The following MROH9 variants were observed in gnomAD, a reference collection of about 807,000 sequenced individuals.
MROH9 encodes the protein maestro heat-like repeat-containing protein family member 9.
In MROH9, 92 loss-of-function variants were observed where a neutral mutation model predicts 98.2. The observed-to-expected ratio is 0.94, with a 90% CI of 0.79 to 1.11. The LOEUF (loss-of-function observed/expected upper bound fraction) is 1.11. Ranked by LOEUF, MROH9 falls within the 50% of genes most tolerant of loss-of-function variation. The pLI is 0.00. For missense variants in MROH9, 1,057 were observed against 1,014.8 expected (o/e 1.04, Z -0.57); for synonymous variants, 397 against 368.9 (o/e 1.08, Z -0.87).
chr1:170,951,226 G>C (rs892234582), intron 3 of MROH9, among the ~76,000 whole-genome samples: 2 of 152,080 alleles, frequency 1.3e-5, no homozygotes, highest in Admixed American at 6.6e-5. Flanking sequence ...AATTTAGAAA[G>C]TGCAAAGAGT....
At chr1:170,949,337 TA>T (rs1242180807) in intron 3 of MROH9, among the ~76,000 whole-genome samples, 1 of 152,012 alleles carries the variant, frequency 6.6e-6, no homozygotes, top group Non-Finnish European at 1.5e-5. Flanking sequence ...AGCATCCATC[TA>T]AGACAAAAGG....
chr1:171,020,840 A>C (rs1231433988), intron 17 of MROH9, among the ~76,000 whole-genome samples: 2 of 152,086 alleles, frequency 1.3e-5, no homozygotes, highest in Non-Finnish European at 2.9e-5. Flanking sequence ...GTTTGTGGAC[A>C]TGATTCTATA....
chr1:170,960,561 G>A (rs955035079), intron 5 of MROH9, among the ~76,000 whole-genome samples: 5 of 151,936 alleles, frequency 3.3e-5, no homozygotes, highest in African/African-American at 9.7e-5. Context: ...CCTACATAGT[G>A]TGTGGAACAA....
At chr1:170,949,132 T>C (rs1307263862) in intron 3 of MROH9, among the ~76,000 whole-genome samples, 1 of 152,040 alleles carries the variant, frequency 6.6e-6, no homozygotes, top group African/African-American at 2.4e-5. Flanking sequence ...TTGGCCTTTA[T>C]TTCCCCATGT....
At chr1:170,949,857 A>G (rs931846100) in intron 3 of MROH9, among the ~76,000 whole-genome samples, 1 of 151,968 alleles carries the variant, frequency 6.6e-6, no homozygotes, top group Admixed American at 6.6e-5. Context: ...GCCACCTACA[A>G]CCCCAGAGAT....
intron 15 of MROH9, among the ~76,000 whole-genome samples, chr1:171,009,966 T>C (rs1030108730): frequency 2.0e-5 from 3 of 152,222 alleles, no homozygotes; most frequent in African/African-American, 4.8e-5. Flanking sequence ...TTAATTATTA[T>C]ACTTTAAGCT....
rs78385402 is a variant in MROH9, at chr1:170,941,711, G to T, written c.-37-3809G>T. Among the ~76,000 whole-genome samples, 1,256 of 152,260 alleles carry T rather than the reference G, an allele frequency of 8.2e-3. 19 individuals are homozygous for T. Among genetic ancestry groups the T allele is most frequent in the African/African-American group, 0.029 (1,185 of 41,554 alleles). On this transcript the variant is annotated intron_variant, in intron 1 of 21. Coordinates refer to ENST00000367759, the MANE Select transcript of MROH9 (RefSeq NM_001163629.2). Reference sequence around the variant, plus strand: ...AGTGGCTGCAGTTTCCACCATAGTAGGGTCTGATTTACAGAAAAGAGCAAG... The same window carrying T: ...AGTGGCTGCAGTTTCCACCATAGTATGGTCTGATTTACAGAAAAGAGCAAG...
chr1:171,011,326 C>T (rs1269689754), intron 15 of MROH9, among the ~76,000 whole-genome samples: 1 of 152,162 alleles, frequency 6.6e-6, no homozygotes, highest in African/African-American at 2.4e-5. Flanking sequence ...CACCAAATTA[C>T]CACCCTACAG....
intron 8 of MROH9, among the ~76,000 whole-genome samples, chr1:170,978,435 G>A (rs556282745): frequency 6.6e-6 from 1 of 152,310 alleles, no homozygotes; most frequent in Non-Finnish European, 1.5e-5. Flanking sequence ...AGCCATGGTT[G>A]TGGGTGACCA....
intron 3 of MROH9, among the ~76,000 whole-genome samples, chr1:170,956,709 T>A (rs561479227): frequency 6.7e-6 from 1 of 149,194 alleles, no homozygotes; most frequent in South Asian, 2.1e-4. Flanking sequence ...TAATCTTGTA[T>A]CTGGAAACTT....
chr1:171,029,464 T>C (rs968759861), intron 20 of MROH9, among the ~76,000 whole-genome samples: 2 of 152,182 alleles, frequency 1.3e-5, no homozygotes, highest in African/African-American at 4.8e-5. Context: ...TGCCTCAGCC[T>C]CCTAAAGTGC....
At position 170,971,873 on chromosome 1, in the gene MROH9, G is replaced by T; in HGVS notation, c.606G>T (p.Arg202=). 2 of 1,613,868 alleles carry T rather than the reference G, an allele frequency of 1.2e-6. No homozygotes were observed. The highest frequency in any genetic ancestry group is 2.2e-5 in the South Asian group (2 of 91,060). Residue 202 remains arginine (R), a synonymous_variant, in exon 8 of 22, where the codon CGG becomes CGT. Transcript: ENST00000367759. ...LGMCHLLYIA[R]CQNDIGTNKP... ...TGTGTCACCTCCTCTACATTGCACGGTGTCAGAACGGTAAGAACAGTTCAC... is the reference window on the plus strand; with the variant it reads ...TGTGTCACCTCCTCTACATTGCACGTTGTCAGAACGGTAAGAACAGTTCAC...
chr1:171,008,896 C>T (rs945902126), intron 15 of MROH9, among the ~76,000 whole-genome samples: 1 of 152,024 alleles, frequency 6.6e-6, no homozygotes. Context: ...GAGAAAAAGA[C>T]ATGTATTATG....
At chr1:171,051,961 T>C (rs902272771) in intron 20 of MROH9, among the ~76,000 whole-genome samples, 11 of 152,162 alleles carry the variant, frequency 7.2e-5, no homozygotes, top group East Asian at 1.9e-4. Context: ...TTGGAGCAAT[T>C]TTAATAGAAT....
At chr1:170,994,033 CATGAAG>C (rs1168799089) in intron 12 of MROH9, among the ~76,000 whole-genome samples, 1 of 152,122 alleles carries the variant, frequency 6.6e-6, no homozygotes, top group Non-Finnish European at 1.5e-5. Flanking sequence ...AATTTGTCTC[CATGAAG>C]ATGCATTGTC....
chr1:170,959,022 ATATT>A (rs1250136335), intron 4 of MROH9, among the ~76,000 whole-genome samples: 8 of 152,298 alleles, frequency 5.3e-5, no homozygotes, highest in Admixed American at 5.2e-4. Flanking sequence ...TTTTAAGAGA[ATATT>A]TAAGACTCAT....
chr1:171,043,432 T>C (rs1287073134), intron 20 of MROH9, among the ~76,000 whole-genome samples: 1 of 152,164 alleles, frequency 6.6e-6, no homozygotes, highest in African/African-American at 2.4e-5. Context: ...TTTTGTTTTT[T>C]TGGTTTAGGA....
chr1:170,942,697 T>G (rs1649172332), intron 1 of MROH9, among the ~76,000 whole-genome samples: 1 of 152,102 alleles, frequency 6.6e-6, no homozygotes, highest in Non-Finnish European at 1.5e-5. Context: ...CCTGGATAGA[T>G]GACTGATACT....
At chr1:171,025,917 A>G (rs1206035556) in intron 20 of MROH9, among the ~76,000 whole-genome samples, 1 of 152,134 alleles carries the variant, frequency 6.6e-6, no homozygotes, top group African/African-American at 2.4e-5. Context: ...CTGACCACAC[A>G]GTTTTTCTGT....
Sources: gnomAD v4.1 joint callset for allele counts (sites outside exome capture counted in the v4.1 genomes callset) on GRCh38, gnomAD v4.1.1 for gene constraint, MANE v1.5 for transcripts, NCBI Gene and HGNC (gene_info 2026-07-23, HGNC 2026-07-21) for gene names.